PRKCB: variants seen among roughly 807,000 people sequenced by gnomAD.
PRKCB encodes protein kinase C beta type.
In PRKCB, 13 loss-of-function variants were observed where a neutral mutation model predicts 81.5. That is an observed-to-expected ratio of 0.16 (90% CI 0.10 to 0.25). The LOEUF (loss-of-function observed/expected upper bound fraction) is 0.25. PRKCB is among the 10% of genes least tolerant of loss of function. PRKCB has a pLI of 1.00. For missense variants in PRKCB, 509 were observed against 875.7 expected, an observed-to-expected ratio of 0.58 and a Z score of 5.29; for synonymous variants, 335 against 321.4, an observed-to-expected ratio of 1.04 and a Z score of -0.45.
chr16:23,900,335 A>G (rs1439066986), intron 2 of PRKCB, among the ~76,000 whole-genome samples: 3 of 152,228 alleles, frequency 2.0e-5, no homozygotes, highest in Non-Finnish European at 2.9e-5. Flanking sequence ...TGTGTGCATG[A>G]ATGTGTAGAT....
At chr16:23,931,086 T>C (rs1313733300) in intron 2 of PRKCB, among the ~76,000 whole-genome samples, 1 of 152,258 alleles carries the variant, frequency 6.6e-6, no homozygotes, top group Non-Finnish European at 1.5e-5. Flanking sequence ...CTTTAATTTC[T>C]GAAAAATGCC....
chr16:24,034,340 A>G (rs1965586423), intron 4 of PRKCB, among the ~76,000 whole-genome samples: 1 of 152,118 alleles, frequency 6.6e-6, no homozygotes. Flanking sequence ...AGATCCCTTG[A>G]AATAGGGGCC....
At chr16:24,192,768 T>A (rs1967813428) in intron 16 of PRKCB, among the ~76,000 whole-genome samples, 1 of 152,158 alleles carries the variant, frequency 6.6e-6, no homozygotes, top group South Asian at 2.1e-4. Flanking sequence ...GGAATGAAGT[T>A]CTTGGTCTCC....
chr16:24,217,186 A>G lies in PRKCB; in HGVS notation c.*2370A>G, dbSNP rs1968242333. ...GAAAAGAAGGAAGGAAGGAAGGAAT[A>G]TAGTGTTATAAATACTGCACTCAAC... On this transcript the variant is annotated 3_prime_UTR_variant, in exon 17 of 17. Transcript: ENST00000643927. 1 of 983,082 alleles carries G rather than the reference A, an allele frequency of 1.0e-6. No homozygotes were observed. Among genetic ancestry groups the G allele is most frequent in the Non-Finnish European group, 1.2e-6 (1 of 828,966 alleles). The allele number at this position is 983,082 out of a possible 1,614,324, so 60.9% of individuals were successfully genotyped here. A position where few individuals can be genotyped will look rare whatever the true frequency, so the allele number is the denominator to read the frequency against.
intron 2 of PRKCB, among the ~76,000 whole-genome samples, chr16:23,915,842 C>A (rs1963729592): frequency 6.6e-6 from 1 of 151,566 alleles, no homozygotes; most frequent in Non-Finnish European, 1.5e-5. Flanking sequence ...CCTCTAATTC[C>A]ACTACTCAGA....
intron 5 of PRKCB, among the ~76,000 whole-genome samples, chr16:24,044,570 C>G (rs192682998): frequency 6.6e-6 from 1 of 152,158 alleles, no homozygotes; most frequent in East Asian, 1.9e-4. Context: ...AACAAAACAC[C>G]AATGGGTTAG....
chr16:23,936,158 A>G (rs1964054830), intron 2 of PRKCB, among the ~76,000 whole-genome samples: 1 of 151,578 alleles, frequency 6.6e-6, no homozygotes, highest in Admixed American at 6.6e-5. Flanking sequence ...GTTGTCACAC[A>G]AAAGATGACA....
intron 2 of PRKCB, among the ~76,000 whole-genome samples, chr16:23,859,343 C>G (rs1962623973): frequency 6.6e-6 from 1 of 152,154 alleles, no homozygotes; most frequent in Non-Finnish European, 1.5e-5. Flanking sequence ...GAGATCCCTC[C>G]TTTGTATCTT....
intron 16 of PRKCB, among the ~76,000 whole-genome samples, chr16:24,205,868 G>T (rs1267164026): frequency 1.3e-5 from 2 of 152,136 alleles, no homozygotes; most frequent in Non-Finnish European, 2.9e-5. Context: ...TTCTGTTAAA[G>T]AAATGAACAG....
intron 2 of PRKCB, among the ~76,000 whole-genome samples, chr16:23,936,202 T>A (rs1964055506): frequency 6.6e-6 from 1 of 151,998 alleles, no homozygotes; most frequent in African/African-American, 2.4e-5. Context: ...TTGTTTTTTT[T>A]TTTTCCTGCT....
intron 3 of PRKCB, among the ~76,000 whole-genome samples, chr16:24,023,027 A>G (rs1965426342): frequency 6.6e-6 from 1 of 152,096 alleles, no homozygotes. Context: ...CTGATGTAAA[A>G]TGAGACTAGG....
intron 3 of PRKCB, among the ~76,000 whole-genome samples, chr16:24,017,766 G>A (rs1318257925): frequency 6.6e-6 from 1 of 152,056 alleles, no homozygotes; most frequent in Non-Finnish European, 1.5e-5. Context: ...ATCTTGCTCT[G>A]TCACCCAGGC....
At chr16:24,124,020 A>G in intron 9 of PRKCB, 39 bp downstream of exon 9, 2 of 1,610,848 alleles carry the variant, frequency 1.2e-6, no homozygotes, top group Non-Finnish European at 1.7e-6. Context: ...CTTTGGAAGG[A>G]ACATCTAACA....
At chr16:23,847,372 CTAT>C (rs2141079218) in intron 2 of PRKCB, among the ~76,000 whole-genome samples, 1 of 6,968 alleles carries the variant, frequency 1.4e-4, no homozygotes, top group East Asian at 0.029. Context: ...ATCTATCTAT[CTAT>C]CTGTCCATCT....
intron 9 of PRKCB, among the ~76,000 whole-genome samples, chr16:24,136,659 G>A (rs1406174253): frequency 6.6e-6 from 1 of 152,100 alleles, no homozygotes; most frequent in Non-Finnish European, 1.5e-5. Flanking sequence ...AAAAACTGAT[G>A]GGCCAGTGTG....
chr16:24,050,433 C>A (rs1309278695), intron 5 of PRKCB, among the ~76,000 whole-genome samples: 2 of 151,900 alleles, frequency 1.3e-5, no homozygotes, highest in Non-Finnish European at 2.9e-5. Context: ...TGTTTTCAAA[C>A]CTTTCGGCTT....
At chr16:24,072,852 G>A (rs577611866) in intron 5 of PRKCB, among the ~76,000 whole-genome samples, 1 of 152,130 alleles carries the variant, frequency 6.6e-6, no homozygotes, top group Non-Finnish European at 1.5e-5. Context: ...AAAGCACTGG[G>A]ATTACATGTG....
At chr16:23,982,038 ACCTTC>A (rs1964730883) in intron 2 of PRKCB, among the ~76,000 whole-genome samples, 2 of 11,406 alleles carry the variant, frequency 1.8e-4, no homozygotes, top group African/African-American at 4.9e-4. Context: ...CTTTCCCTTC[ACCTTC>A]CCCTTCCCTT....
chr16:24,018,497 C>T (rs568787516), intron 3 of PRKCB, among the ~76,000 whole-genome samples: 1 of 152,326 alleles, frequency 6.6e-6, no homozygotes, highest in African/African-American at 2.4e-5. Flanking sequence ...GGTTAAATAA[C>T]TTTCCCTAGA....
Sources: allele counts gnomAD v4.1 joint callset (sites outside exome capture counted in the v4.1 genomes callset), GRCh38; gene constraint gnomAD v4.1.1; transcripts MANE v1.5; gene names NCBI Gene and HGNC (gene_info 2026-07-23, HGNC 2026-07-21).